Variants in ZNF131 observed in about 807,000 individuals in gnomAD.
ZNF131 encodes zinc finger protein 131.
In ZNF131, 7 loss-of-function variants were observed where a neutral mutation model predicts 60.0. The ratio of observed to expected loss-of-function variants is 0.12; its 90% CI spans 0.07 to 0.22. The LOEUF is 0.22. ZNF131 is among the 10% of genes least tolerant of loss of function. The pLI is 1.00. For synonymous variants in ZNF131, 257 were observed against 253.2 expected, an observed-to-expected ratio of 1.01 and a Z score of -0.14; for missense variants, 493 against 740.9, an observed-to-expected ratio of 0.67 and a Z score of 3.88.
At chr5:43,134,765 A>G (rs1579747225) in intron 3 of ZNF131, among the ~76,000 whole-genome samples, 1 of 128,020 alleles carries the variant, frequency 7.8e-6, no homozygotes, top group Non-Finnish European at 1.5e-5. Context: ...CAGTGGCGTG[A>G]CCTCGGCTCA....
chr5:43,166,499 T>A (rs1225305980), intron 5 of ZNF131, among the ~76,000 whole-genome samples: 2 of 151,082 alleles, frequency 1.3e-5, no homozygotes, highest in Non-Finnish European at 2.9e-5. Context: ...TAGCTGGGAC[T>A]ACAGGTGCCC....
At chr5:43,136,706 C>G (rs1579758621) in intron 3 of ZNF131, among the ~76,000 whole-genome samples, 1 of 142,906 alleles carries the variant, frequency 7.0e-6, no homozygotes, top group Non-Finnish European at 1.5e-5. Flanking sequence ...AGGCTGATCT[C>G]GAACTCCTGA....
At chr5:43,131,209 G>C (rs531965685) in intron 3 of ZNF131, among the ~76,000 whole-genome samples, 2 of 150,848 alleles carry the variant, frequency 1.3e-5, no homozygotes, top group East Asian at 4.0e-4. Flanking sequence ...AGTTTTGCTC[G>C]TTGCCCAAGC....
intron 3 of ZNF131, among the ~76,000 whole-genome samples, chr5:43,133,756 G>A (rs557834549): frequency 6.6e-6 from 1 of 152,278 alleles, no homozygotes; most frequent in African/African-American, 2.4e-5. Flanking sequence ...TGATGACCTT[G>A]AGCAGTAGGA....
rs190345724 is a variant in ZNF131 at position 43,131,393 on chromosome 5, G to A, written c.227-7772G>A. ...TCACCATTTTAGCCAGGCTGGTCTC[G>A]AACTCCTGACCTCAGGTGATCCTCC... is the stretch of plus-strand genomic sequence containing the variant. On this transcript the variant is annotated intron_variant, in intron 3 of 6. Coordinates refer to ENST00000682664, the MANE Select transcript of ZNF131 (RefSeq NM_001330707.2). Among the ~76,000 whole-genome samples the A allele has an allele frequency of 5.3e-3, 802 of 151,896 alleles. 3 individuals are homozygous for A. The highest frequency in any genetic ancestry group is 0.018 in the African/African-American group (766 of 41,412).
chr5:43,172,959 A>G (rs1427557003), intron 5 of ZNF131, among the ~76,000 whole-genome samples: 1 of 152,210 alleles, frequency 6.6e-6, no homozygotes, highest in Non-Finnish European at 1.5e-5. Flanking sequence ...GCACATGGTA[A>G]GTGTGCAAAA....
chr5:43,130,170 A>AGGAGGATT lies in ZNF131; in HGVS notation c.226+6862_226+6869dup, dbSNP rs1466312656. Among the ~76,000 whole-genome samples the AGGAGGATT allele has an allele frequency of 6.8e-5, 10 of 146,830 alleles. No individual in the cohort carries two copies. In the Admixed American group the frequency reaches 7.1e-4, roughly 10 times the overall value. Reference sequence around the variant, plus strand: ...TCCCAGCTACTGGGGAGGCTGAGGCAGGAGGATTGCTTGAACCTGAGAGGT... The same window carrying AGGAGGATT: ...TCCCAGCTACTGGGGAGGCTGAGGCAGGAGGATTGGAGGATTGCTTGAACCTGAGAGGT... On this transcript the variant is annotated intron_variant, in intron 3 of 6. Coordinates refer to ENST00000682664, the MANE Select transcript of ZNF131 (RefSeq NM_001330707.2).
rs1307850518 is a variant in ZNF131 at position 43,144,209 on chromosome 5, A to G, written c.371+4900A>G. On this transcript the variant is annotated intron_variant, in intron 4 of 6. Transcript: ENST00000682664. ...AGTGCTGGGATTACAGGCGTGAGCC[A>G]CGGCGCCTGGCCTTTTTTTCTTTCT... Among the ~76,000 whole-genome samples the G allele has an allele frequency of 2.8e-5, 4 of 144,118 alleles. No individual in the cohort carries two copies. In the South Asian group the frequency reaches 6.5e-4, roughly 23 times the overall value. 94.5% of individuals were successfully genotyped at this position (144,118 alleles called of 152,430 possible). A position where few individuals can be genotyped will look rare whatever the true frequency, so the allele number is the denominator to read the frequency against.
At chr5:43,173,555 T>C (rs1751247883) in intron 6 of ZNF131, 107 bp downstream of exon 6, 2 of 1,352,644 alleles carry the variant, frequency 1.5e-6, no homozygotes, top group Non-Finnish European at 2.0e-6. Flanking sequence ...GGGCTGACGG[T>C]TTGGAAAGAA....
chr5:43,162,910 G>GAA (rs200731861), intron 5 of ZNF131, among the ~76,000 whole-genome samples: 60 of 66,760 alleles, frequency 9.0e-4, no homozygotes, highest in African/African-American at 3.4e-3. Context: ...TGTCTCAAGG[G>GAA]AAAAAAAAAA....
At chr5:43,129,277 G>T (rs544137559) in intron 3 of ZNF131, among the ~76,000 whole-genome samples, 1 of 152,126 alleles carries the variant, frequency 6.6e-6, no homozygotes, top group East Asian at 1.9e-4. Context: ...TCACTACTTT[G>T]CCCATGCTGG....
Position 43,146,499 on chromosome 5 carries a change from G to T in ZNF131, c.371+7190G>T, listed in dbSNP as rs190601378. ...AGCTACTCTGGAGGCTGAGGCTGAG[G>T]CAGGAGAATGGCGTGAACCTGGGAG... On this transcript the variant is annotated intron_variant, in intron 4 of 6. Coordinates refer to ENST00000682664, the MANE Select transcript of ZNF131 (RefSeq NM_001330707.2). Among the ~76,000 whole-genome samples, 669 of 152,230 alleles carry T rather than the reference G, an allele frequency of 4.4e-3. 10 individuals carry two copies. The highest frequency in any genetic ancestry group is 0.015 in the African/African-American group (642 of 41,542).
intron 6 of ZNF131, among the ~76,000 whole-genome samples, chr5:43,173,747 T>TCCC (rs35900381): frequency 1.7e-3 from 263 of 151,120 alleles, no homozygotes; most frequent in African/African-American, 4.5e-3. Flanking sequence ...GTAATTAGAT[T>TCCC]CCCCCCCCAT....
chr5:43,154,395 CAGAGCG>C (rs1235086128), intron 4 of ZNF131, among the ~76,000 whole-genome samples: 5 of 151,148 alleles, frequency 3.3e-5, no homozygotes, highest in Admixed American at 1.3e-4. Flanking sequence ...GCCTGGGCTC[CAGAGCG>C]AGACTCCGTC....
At chr5:43,124,707 A>G (rs1262097189) in intron 3 of ZNF131, 6 of 152,192 alleles carry the variant, frequency 3.9e-5, no homozygotes, top group African/African-American at 9.7e-5. Context: ...CTTTACCTCA[A>G]TTGCATACTT....
intron 4 of ZNF131, among the ~76,000 whole-genome samples, chr5:43,145,848 G>A (rs1747510611): frequency 6.6e-6 from 1 of 152,096 alleles, no homozygotes; most frequent in Non-Finnish European, 1.5e-5. Flanking sequence ...ATAAATTCTA[G>A]TAGTTATTTG....
intron 4 of ZNF131, among the ~76,000 whole-genome samples, chr5:43,155,696 C>T (rs577679908): frequency 6.6e-6 from 1 of 152,264 alleles, no homozygotes; most frequent in Admixed American, 6.5e-5. Context: ...CTGTCCAGCA[C>T]CCAAAGAGTC....
chr5:43,152,935 C>T (rs1257389228), intron 4 of ZNF131, among the ~76,000 whole-genome samples: 4 of 152,108 alleles, frequency 2.6e-5, no homozygotes, highest in African/African-American at 9.7e-5. Context: ...TCCCTCCCTG[C>T]CCTATATCTT....
chr5:43,153,187 T>C (rs1051269118), intron 4 of ZNF131, among the ~76,000 whole-genome samples: 2 of 152,128 alleles, frequency 1.3e-5, no homozygotes, highest in African/African-American at 4.8e-5. Flanking sequence ...TCCTATAAGA[T>C]GATGTCACTC....
Sources: gnomAD v4.1 joint callset for allele counts (sites outside exome capture counted in the v4.1 genomes callset) on GRCh38, gnomAD v4.1.1 for gene constraint, MANE v1.5 for transcripts, NCBI Gene and HGNC (gene_info 2026-07-23, HGNC 2026-07-21) for gene names.